ZHX2: variants seen among roughly 807,000 people sequenced by gnomAD.
The protein encoded by ZHX2 is zinc fingers and homeoboxes 2, also known as zinc fingers and homeoboxes protein 2.
A neutral mutation model predicts 21.9 loss-of-function variants in ZHX2; 6 were observed. That is an observed-to-expected ratio of 0.27 (90% CI 0.15 to 0.54). ZHX2 has a LOEUF of 0.54. Ranked by LOEUF, ZHX2 falls within the 20% of genes least tolerant of loss-of-function variation. The probability of loss-of-function intolerance (pLI) is 0.95; values close to 1 mark genes in which losing one functional copy is unlikely to be tolerated. For synonymous variants in ZHX2, 434 were observed against 437.1 expected (o/e 0.99, Z 0.09); for missense variants, 908 against 1,090.7 (o/e 0.83, Z 2.36).
chr8:122,884,794 ACACATCCAGCTTCCAGTCCTT>A (rs1369994509), intron 2 of ZHX2, among the ~76,000 whole-genome samples: 3 of 152,190 alleles, frequency 2.0e-5, no homozygotes, highest in Admixed American at 6.5e-5. Flanking sequence ...CAGGAGCCTT[ACACATCCAGCTTCCAGTCCTT>A]CACAATTCTA....
chr8:122,855,289 T>C (rs1819000265), intron 1 of ZHX2, among the ~76,000 whole-genome samples: 1 of 152,202 alleles, frequency 6.6e-6, no homozygotes, highest in Non-Finnish European at 1.5e-5. Flanking sequence ...GTTGTAACAT[T>C]TTTGCAATTC....
chr8:122,891,036 T>G (rs1819962209), intron 2 of ZHX2, among the ~76,000 whole-genome samples: 1 of 152,166 alleles, frequency 6.6e-6, no homozygotes, highest in Non-Finnish European at 1.5e-5. Flanking sequence ...CTGGTTTTGG[T>G]ATCAGGGTAA....
chr8:122,868,861 AAAG>A (rs1186039917), intron 2 of ZHX2, among the ~76,000 whole-genome samples: 4 of 152,168 alleles, frequency 2.6e-5, no homozygotes, highest in African/African-American at 4.8e-5. Context: ...CTATATTGGA[AAAG>A]AAGAAAAATC....
At chr8:122,928,640 C>T (rs1279626338) in intron 2 of ZHX2, among the ~76,000 whole-genome samples, 1 of 152,120 alleles carries the variant, frequency 6.6e-6, no homozygotes, top group Admixed American at 6.5e-5. Context: ...ATTCGATTCC[C>T]GTAATATAGG....
intron 2 of ZHX2, among the ~76,000 whole-genome samples, chr8:122,932,371 T>A (rs940479434): frequency 2.0e-5 from 3 of 152,160 alleles, no homozygotes; most frequent in African/African-American, 7.2e-5. Flanking sequence ...AAAGTCAAGG[T>A]ATTGGCGGGC....
At chr8:122,846,068 GTAAA>G (rs1818744041) in intron 1 of ZHX2, among the ~76,000 whole-genome samples, 1 of 141,708 alleles carries the variant, frequency 7.1e-6, no homozygotes, top group African/African-American at 3.2e-5. Context: ...GCCCGTGGAG[GTAAA>G]GTAGACAGAT....
At chr8:122,879,991 T>TA (rs1266155735) in intron 2 of ZHX2, among the ~76,000 whole-genome samples, 1 of 149,832 alleles carries the variant, frequency 6.7e-6, no homozygotes, top group East Asian at 1.9e-4. Flanking sequence ...TTTTTTTTTT[T>TA]AGATGGAGCC....
chr8:122,802,723 A>G (rs1817743257), intron 1 of ZHX2, among the ~76,000 whole-genome samples: 1 of 152,180 alleles, frequency 6.6e-6, no homozygotes, highest in African/African-American at 2.4e-5. Flanking sequence ...GGAGCAGGGC[A>G]GGAGATGTGT....
intron 1 of ZHX2, among the ~76,000 whole-genome samples, chr8:122,857,063 A>G: frequency 6.6e-6 from 1 of 152,040 alleles, no homozygotes; most frequent in Middle Eastern, 3.2e-3. Flanking sequence ...TTCGCCGCTC[A>G]TTCAGCTTTT....
intron 3 of ZHX2, among the ~76,000 whole-genome samples, chr8:122,956,415 G>C (rs1012443167): frequency 1.3e-5 from 2 of 152,182 alleles, no homozygotes; most frequent in Non-Finnish European, 2.9e-5. Flanking sequence ...TGTTACGATG[G>C]GGAAGGGCAC....
intron 2 of ZHX2, among the ~76,000 whole-genome samples, chr8:122,935,827 G>A (rs982645982): frequency 6.6e-6 from 1 of 152,062 alleles, no homozygotes; most frequent in African/African-American, 2.4e-5. Context: ...GAGCCACCAC[G>A]CCCGGCCGAG....
chr8:122,798,871 C>T (rs1817663559), intron 1 of ZHX2, among the ~76,000 whole-genome samples: 1 of 152,028 alleles, frequency 6.6e-6, no homozygotes, highest in Admixed American at 6.6e-5. Context: ...ATTAACCATC[C>T]AAGCATTTGT....
intron 1 of ZHX2, among the ~76,000 whole-genome samples, chr8:122,830,650 T>C (rs28829629): frequency 0.014 from 2,104 of 152,260 alleles, 50 homozygotes; most frequent in African/African-American, 0.049. Flanking sequence ...AAGACAGTTA[T>C]GTTGAGAGGA....
At chr8:122,872,895 C>T (rs919333890) in intron 2 of ZHX2, among the ~76,000 whole-genome samples, 2 of 152,152 alleles carry the variant, frequency 1.3e-5, no homozygotes, top group Non-Finnish European at 1.5e-5. Flanking sequence ...TTTCCCCCAC[C>T]GACAGCCAGC....
chr8:122,897,669 T>C (rs1453310920), intron 2 of ZHX2, among the ~76,000 whole-genome samples: 1 of 151,830 alleles, frequency 6.6e-6, no homozygotes, highest in Non-Finnish European at 1.5e-5. Flanking sequence ...TCACATATGA[T>C]GTGATTTTTC....
At chr8:122,955,631 C>T in intron 3 of ZHX2, among the ~76,000 whole-genome samples, 1 of 152,144 alleles carries the variant, frequency 6.6e-6, no homozygotes, top group Non-Finnish European at 1.5e-5. Context: ...TCTCCTTTCT[C>T]CTCCCACTTG....
chr8:122,887,742 C>T (rs1331698561), intron 2 of ZHX2, among the ~76,000 whole-genome samples: 2 of 152,062 alleles, frequency 1.3e-5, no homozygotes, highest in Admixed American at 1.3e-4. Flanking sequence ...TGGCCTGGAG[C>T]TGCCTGGAAT....
At chr8:122,841,247 G>A (rs73331798) in intron 1 of ZHX2, among the ~76,000 whole-genome samples, 2,686 of 152,182 alleles carry the variant, frequency 0.018, 91 homozygotes, top group African/African-American at 0.06. Flanking sequence ...GATGACAAAG[G>A]CGCTAGAGGC....
intron 2 of ZHX2, among the ~76,000 whole-genome samples, chr8:122,940,944 T>C (rs1421107301): frequency 6.6e-6 from 1 of 151,960 alleles, no homozygotes; most frequent in East Asian, 1.9e-4. Context: ...AGATTGTGCA[T>C]GTAAACCAGG....
Sources: gnomAD v4.1 joint callset for allele counts (sites outside exome capture counted in the v4.1 genomes callset) on GRCh38, gnomAD v4.1.1 for gene constraint, MANE v1.5 for transcripts, NCBI Gene and HGNC (gene_info 2026-07-23, HGNC 2026-07-21) for gene names.